PCDH15: variants seen among roughly 807,000 people sequenced by gnomAD.
PCDH15 encodes protocadherin related 15.
A neutral mutation model predicts 178.5 loss-of-function variants in PCDH15; 129 were observed. The observed-to-expected ratio is 0.72, with a 90% CI of 0.63 to 0.84. The LOEUF (loss-of-function observed/expected upper bound fraction) is 0.84. Ranked by LOEUF, PCDH15 falls within the 40% of genes least tolerant of loss-of-function variation. The probability of loss-of-function intolerance (pLI) is 0.00; values close to 1 mark genes in which losing one functional copy is unlikely to be tolerated. For missense variants in PCDH15, 2,230 were observed against 2,099.9 expected, an observed-to-expected ratio of 1.06 and a Z score of -1.21; for synonymous variants, 800 against 732.0, an observed-to-expected ratio of 1.09 and a Z score of -1.50.
At chr10:54,597,011 C>T (rs1024108625) in intron 2 of PCDH15, among the ~76,000 whole-genome samples, 2 of 152,118 alleles carry the variant, frequency 1.3e-5, no homozygotes, top group Admixed American at 6.5e-5. Context: ...AATTTTGACA[C>T]CCCCACTGAC....
chr10:54,228,120 C>G lies in PCDH15; in HGVS notation c.985+8703G>C, dbSNP rs145995707. On this transcript the variant is annotated intron_variant, in intron 9 of 37. Transcript: ENST00000644397. ...ATTTTTGGGTCTCTTTTCAGCAACA[C>G]CCCACTCCTGTTACCAATTTACTGT... 2.6e-5 allele frequency among the ~76,000 whole-genome samples: 4 copies of G among 152,152 alleles called. No homozygotes were observed. In the East Asian group the frequency reaches 7.7e-4, roughly 29 times the overall value.
intron 14 of PCDH15, among the ~76,000 whole-genome samples, chr10:54,146,511 T>C (rs768742826): frequency 6.6e-6 from 1 of 151,858 alleles, no homozygotes; most frequent in Non-Finnish European, 1.5e-5. Flanking sequence ...TATACACGAC[T>C]AAAGAATATC....
intron 1 of PCDH15, among the ~76,000 whole-genome samples, chr10:54,668,668 C>G (rs894449194): frequency 2.6e-5 from 4 of 152,152 alleles, no homozygotes; most frequent in African/African-American, 9.7e-5. Context: ...CAAAAGCAGC[C>G]AAGGTTGACA....
intron 22 of PCDH15, among the ~76,000 whole-genome samples, chr10:53,961,144 G>A (rs2088263735): frequency 6.7e-6 from 1 of 150,114 alleles, no homozygotes. Flanking sequence ...TCAGTATTGA[G>A]TGGTATTAGG....
chr10:55,491,393 C>G (rs1339703212), intron 2 of PCDH15, among the ~76,000 whole-genome samples: 1 of 151,706 alleles, frequency 6.6e-6, no homozygotes, highest in Non-Finnish European at 1.5e-5. Context: ...TCAGTCACAG[C>G]ATGCTGAGAA....
chr10:55,446,670 A>G (rs1839324880), intron 2 of PCDH15, among the ~76,000 whole-genome samples: 1 of 152,136 alleles, frequency 6.6e-6, no homozygotes, highest in Non-Finnish European at 1.5e-5. Flanking sequence ...TGTTACATAA[A>G]TGAAAGCAAA....
At chr10:54,750,600 C>G (rs1946098212) in intron 1 of PCDH15, among the ~76,000 whole-genome samples, 1 of 152,130 alleles carries the variant, frequency 6.6e-6, no homozygotes, top group East Asian at 1.9e-4. Flanking sequence ...GGAGGCAATT[C>G]AAACATTTTA....
intron 13 of PCDH15, among the ~76,000 whole-genome samples, chr10:54,177,183 C>A (rs1026834886): frequency 3.9e-5 from 6 of 151,968 alleles, no homozygotes; most frequent in African/African-American, 1.2e-4. Flanking sequence ...TCTGACAAGG[C>A]TACATACTAT....
intron 2 of PCDH15, among the ~76,000 whole-genome samples, chr10:54,592,393 T>C (rs1352463564): frequency 6.6e-6 from 1 of 151,952 alleles, no homozygotes; most frequent in Non-Finnish European, 1.5e-5. Flanking sequence ...TATTGAGGTA[T>C]AGCTGACAAG....
intron 26 of PCDH15, among the ~76,000 whole-genome samples, chr10:53,873,093 T>TAGTA (rs754923613): frequency 3.0e-4 from 45 of 152,376 alleles, no homozygotes; most frequent in South Asian, 1.2e-3. Flanking sequence ...TTTCTTTTAC[T>TAGTA]GAGTCCACAC....
chr10:55,509,576 G>A (rs1266022055), intron 2 of PCDH15, among the ~76,000 whole-genome samples: 3 of 151,754 alleles, frequency 2.0e-5, no homozygotes, highest in Non-Finnish European at 4.4e-5. Context: ...GATTTATACG[G>A]CTGTCCCATT....
intron 2 of PCDH15, among the ~76,000 whole-genome samples, chr10:55,507,824 T>A (rs1238259684): frequency 6.6e-6 from 1 of 151,674 alleles, no homozygotes; most frequent in Non-Finnish European, 1.5e-5. Flanking sequence ...GATTTAGACA[T>A]GAGCAATAGC....
intron 1 of PCDH15, among the ~76,000 whole-genome samples, chr10:54,724,963 C>CACAT (rs139529880): frequency 0.12 from 18,291 of 150,942 alleles, 1,233 homozygotes; most frequent in African/African-American, 0.17. Context: ...CACCTATGCA[C>CACAT]ACATACATAC....
intron 3 of PCDH15, among the ~76,000 whole-genome samples, chr10:54,893,540 T>C (rs534804767): frequency 1.3e-5 from 2 of 152,198 alleles, no homozygotes; most frequent in Non-Finnish European, 2.9e-5. Context: ...CTTGCTTGGT[T>C]AGTGTGTATG....
Position 55,152,908 on chromosome 10 carries a change from A to G in PCDH15, c.-80+13668T>C, listed in dbSNP as rs184732485. 4.6e-5 allele frequency among the ~76,000 whole-genome samples: 7 copies of G among 152,224 alleles called. 1 individual carries two copies. In the South Asian group the frequency reaches 6.2e-4, roughly 14 times the overall value. Reference sequence around the variant, plus strand: ...CACACACAATAATTATGTAAATTACATAACTTGGTTAAGGTTAAAGATATA... The same window carrying G: ...CACACACAATAATTATGTAAATTACGTAACTTGGTTAAGGTTAAAGATATA... On this transcript the variant is annotated intron_variant, in intron 2 of 5. Transcript: ENST00000458638.
chr10:54,158,084 C>T (rs1165862046), intron 13 of PCDH15, among the ~76,000 whole-genome samples: 1 of 152,116 alleles, frequency 6.6e-6, no homozygotes, highest in Non-Finnish European at 1.5e-5. Context: ...TCTAACACTC[C>T]AGACTGCTCC....
intron 1 of PCDH15, among the ~76,000 whole-genome samples, chr10:54,721,551 T>C (rs1591278478): frequency 6.6e-6 from 1 of 151,710 alleles, no homozygotes; most frequent in Admixed American, 6.6e-5. Context: ...TTAAAACTGA[T>C]ACTACAGAAA....
chr10:55,534,104 G>T (rs958416910), intron 2 of PCDH15, among the ~76,000 whole-genome samples: 2 of 151,660 alleles, frequency 1.3e-5, no homozygotes, highest in African/African-American at 4.8e-5. Context: ...AAGATTTAAA[G>T]ACATCGAATT....
At chr10:55,341,782 TA>T (rs1565031821) in intron 2 of PCDH15, among the ~76,000 whole-genome samples, 17 of 11,132 alleles carry the variant, frequency 1.5e-3, no homozygotes, top group African/African-American at 6.7e-3. Flanking sequence ...TATATATATA[TA>T]TATATATATA....
Sources: gnomAD v4.1 joint callset for allele counts (sites outside exome capture counted in the v4.1 genomes callset) on GRCh38, gnomAD v4.1.1 for gene constraint, MANE v1.5 for transcripts, NCBI Gene and HGNC (gene_info 2026-07-23, HGNC 2026-07-21) for gene names.